Variants in THSD7B observed in about 807,000 individuals in gnomAD.
The protein encoded by THSD7B is thrombospondin type-1 domain-containing protein 7B.
A neutral mutation model predicts 213.6 loss-of-function variants in THSD7B; 138 were observed. The observed-to-expected ratio is 0.65, with a 90% CI of 0.56 to 0.74. The LOEUF (loss-of-function observed/expected upper bound fraction) is 0.74. Among genes scored for constraint, THSD7B ranks in the 30% least tolerant of loss-of-function variants. The probability of loss-of-function intolerance (pLI) is 0.00; values close to 1 mark genes in which losing one functional copy is unlikely to be tolerated. For synonymous variants in THSD7B, 742 were observed against 687.0 expected, an observed-to-expected ratio of 1.08 and a Z score of -1.25; for missense variants, 1,931 against 1,991.5, an observed-to-expected ratio of 0.97 and a Z score of 0.58.
chr2:137,655,660 G>A lies in THSD7B; in HGVS notation c.4105G>A (p.Gly1369Arg), dbSNP rs1165060420. The A allele has an allele frequency of 1.2e-6, 2 of 1,611,764 alleles. No individual in the cohort carries two copies. The highest frequency in any genetic ancestry group is 1.7e-6 in the Non-Finnish European group (2 of 1,178,930). Residue 1369 changes from glycine (G) to arginine (R), a missense_variant and splice_region_variant, in exon 22 of 28, where the codon GGA (glycine) becomes AGA (arginine). Gly to Arg is a moderately radical substitution (Grantham distance 125). Coordinates refer to ENST00000409968, the MANE Select transcript of THSD7B (RefSeq NM_001316349.2). ...GCAGCTGTGTTCTGTGCCTTGCCCA[G>A]GTATGCAATGCTAGTGATTGGGAGC... ...LKQLCSVPCP[G>R]DCHLTEWSEW...
chr2:137,534,965 G>A (rs1450885914), intron 15 of THSD7B, among the ~76,000 whole-genome samples: 1 of 151,452 alleles, frequency 6.6e-6, no homozygotes, highest in Non-Finnish European at 1.5e-5. Context: ...TTGTCTGTTG[G>A]CATCTGCCTT....
At chr2:136,842,773 C>T (rs1403149977) in intron 1 of THSD7B, among the ~76,000 whole-genome samples, 1 of 152,156 alleles carries the variant, frequency 6.6e-6, no homozygotes, top group Admixed American at 6.5e-5. Flanking sequence ...ATTCCTGAAC[C>T]CATTACTTCA....
rs181927570 is a variant in THSD7B at position 136,956,621 on chromosome 2, T to C, written c.139+74304T>C. On this transcript the variant is annotated intron_variant, in intron 2 of 27. Coordinates refer to ENST00000409968, the MANE Select transcript of THSD7B (RefSeq NM_001316349.2). Reference sequence around the variant, plus strand: ...TGTCTCAAAAAAAAAAAAAAATTAGTAAATTGGTCTCTTCAGCAAGAGGAG... The same window carrying C: ...TGTCTCAAAAAAAAAAAAAAATTAGCAAATTGGTCTCTTCAGCAAGAGGAG... 4.3e-3 allele frequency among the ~76,000 whole-genome samples: 641 copies of C among 147,568 alleles called. 6 individuals carry two copies. The highest frequency in any genetic ancestry group is 0.015 in the South Asian group (70 of 4,664).
chr2:136,852,304 C>CAAACAAAACA (rs70975718), intron 1 of THSD7B, among the ~76,000 whole-genome samples: 5,022 of 148,722 alleles, frequency 0.034, 151 homozygotes, highest in Non-Finnish European at 0.039. Flanking sequence ...TGAAAGCTGG[C>CAAACAAAACA]AAACAAAACA....
chr2:137,233,276 T>C (rs1681684613), intron 9 of THSD7B, 143 bp downstream of exon 9: 1 of 733,284 alleles, frequency 1.4e-6, no homozygotes, highest in East Asian at 2.7e-5. Context: ...CATTAAAGAT[T>C]AAAACATGTG....
At chr2:137,206,052 T>G (rs1222132022) in intron 7 of THSD7B, among the ~76,000 whole-genome samples, 4 of 152,086 alleles carry the variant, frequency 2.6e-5, no homozygotes, top group African/African-American at 9.6e-5. Flanking sequence ...TATCCTTTTT[T>G]TTTTTTATCT....
intron 12 of THSD7B, among the ~76,000 whole-genome samples, chr2:137,378,791 T>C (rs79438892): frequency 0.033 from 5,024 of 152,214 alleles, 309 homozygotes; most frequent in African/African-American, 0.11. Context: ...TTGCTTCCAA[T>C]CATGGCTGAG....
chr2:136,968,021 A>G (rs1685348789), intron 2 of THSD7B, among the ~76,000 whole-genome samples: 1 of 152,114 alleles, frequency 6.6e-6, no homozygotes, highest in African/African-American at 2.4e-5. Context: ...TTCTATTATT[A>G]ATGGGCATTT....
At chr2:137,456,100 T>A (rs1293084994) in intron 15 of THSD7B, among the ~76,000 whole-genome samples, 1 of 152,220 alleles carries the variant, frequency 6.6e-6, no homozygotes. Context: ...TGTTTGCAAC[T>A]GAATGAGAGT....
chr2:137,302,282 A>T (rs1387375143), intron 12 of THSD7B, among the ~76,000 whole-genome samples: 1 of 152,124 alleles, frequency 6.6e-6, no homozygotes, highest in Non-Finnish European at 1.5e-5. Context: ...GAAATGAGAA[A>T]AAAACAGCAG....
intron 16 of THSD7B, among the ~76,000 whole-genome samples, chr2:137,566,820 C>T (rs139950120): frequency 5.3e-5 from 8 of 151,774 alleles, no homozygotes; most frequent in African/African-American, 1.9e-4. Flanking sequence ...AATAAAATGT[C>T]TTTGCTATGA....
chr2:137,247,832 C>T (rs1385089994), intron 10 of THSD7B, among the ~76,000 whole-genome samples: 1 of 152,074 alleles, frequency 6.6e-6, no homozygotes, highest in African/African-American at 2.4e-5. Context: ...AGTTAGATTT[C>T]CTTGATTCAA....
At position 137,611,066 on chromosome 2, in the gene THSD7B, A is replaced by T. The variant is rs188276770; in HGVS notation, c.3424-5109A>T. Among the ~76,000 whole-genome samples, 350 of 151,296 alleles carry T rather than the reference A, an allele frequency of 2.3e-3. 3 individuals carry two copies. The highest frequency in any genetic ancestry group is 8.0e-3 in the African/African-American group (333 of 41,414). On this transcript the variant is annotated intron_variant, in intron 17 of 27. Coordinates refer to ENST00000409968, the MANE Select transcript of THSD7B (RefSeq NM_001316349.2). ...GCTTATAGCAAAACGCACAAAAAAA[A>T]GACAAGCAAACCTTTATAATGAAAA...
intron 12 of THSD7B, among the ~76,000 whole-genome samples, chr2:137,356,404 T>C (rs1017142780): frequency 3.3e-5 from 5 of 152,162 alleles, no homozygotes; most frequent in Non-Finnish European, 4.4e-5. Flanking sequence ...TGGAGCCTAA[T>C]TGACAAAGTT....
chr2:136,943,437 A>C (rs1197407084), intron 2 of THSD7B, among the ~76,000 whole-genome samples: 1 of 152,064 alleles, frequency 6.6e-6, no homozygotes, highest in Admixed American at 6.6e-5. Context: ...TATTAATTGG[A>C]ATAGTTTCAG....
intron 2 of THSD7B, among the ~76,000 whole-genome samples, chr2:136,960,423 G>C (rs1685196262): frequency 6.6e-6 from 1 of 152,136 alleles, no homozygotes; most frequent in Non-Finnish European, 1.5e-5. Context: ...ACAGGTATGA[G>C]CCACTGTGCT....
At chr2:137,089,531 CTA>C (rs1553470044) in intron 3 of THSD7B, among the ~76,000 whole-genome samples, 1 of 151,730 alleles carries the variant, frequency 6.6e-6, no homozygotes, top group Non-Finnish European at 1.5e-5. Context: ...AGATTGGAGA[CTA>C]TTACTCTAAG....
chr2:137,572,943 A>C (rs750174539), intron 17 of THSD7B, among the ~76,000 whole-genome samples: 1 of 151,816 alleles, frequency 6.6e-6, no homozygotes, highest in Non-Finnish European at 1.5e-5. Context: ...TAGGAGCTCA[A>C]CTCCACTGTG....
At chr2:136,888,479 A>G (rs1683758388) in intron 2 of THSD7B, among the ~76,000 whole-genome samples, 1 of 152,130 alleles carries the variant, frequency 6.6e-6, no homozygotes, top group Non-Finnish European at 1.5e-5. Flanking sequence ...TAGAGAAAAT[A>G]AAATGTTCTT....
Sources: allele counts gnomAD v4.1 joint callset (sites outside exome capture counted in the v4.1 genomes callset), GRCh38; gene constraint gnomAD v4.1.1; transcripts MANE v1.5; gene names NCBI Gene and HGNC (gene_info 2026-07-23, HGNC 2026-07-21).